DCAF8L2: variants seen among roughly 807,000 people sequenced by gnomAD.
DCAF8L2 encodes the protein DDB1 and CUL4 associated factor 8 like 2.
For synonymous variants in DCAF8L2, 200 were observed against 190.9 expected (o/e 1.05, Z -0.39); for missense variants, 430 against 490.7 (o/e 0.88, Z 1.17).
At chrX:27,696,691 A>C (rs1930939115) in intron 3 of DCAF8L2, among the ~76,000 whole-genome samples, 1 of 111,733 alleles carries the variant, frequency 8.9e-6, no homozygotes, top group Admixed American at 9.5e-5. Context: ...CCTCCAAAAT[A>C]TTAGTTTTTC....
chrX:27,501,981 G>A, the DCAF8L2 span, among the ~76,000 whole-genome samples: 268 of 109,783 alleles, frequency 2.4e-3, 1 homozygote, highest in Non-Finnish European at 3.9e-3. Flanking sequence ...ATGTGAAAGA[G>A]CATGACCTGC....
the DCAF8L2 span, among the ~76,000 whole-genome samples, chrX:27,478,067 G>A: frequency 9.0e-6 from 1 of 110,799 alleles, no homozygotes; most frequent in African/African-American, 3.3e-5. Flanking sequence ...TGTTATTTTG[G>A]GGATGGATAT....
At chrX:27,527,015 A>C in the DCAF8L2 span, among the ~76,000 whole-genome samples, 1 of 112,023 alleles carries the variant, frequency 8.9e-6, no homozygotes, top group African/African-American at 3.2e-5. Context: ...TCAGATCTCA[A>C]GCTCCATGCT....
At chrX:27,573,419 G>A in the DCAF8L2 span, among the ~76,000 whole-genome samples, 1 of 110,978 alleles carries the variant, frequency 9.0e-6, no homozygotes, top group African/African-American at 3.3e-5. Context: ...TAGAATGACA[G>A]CAATGTTGCC....
chrX:27,696,326 GAAAGAAAA>G (rs1248642902), intron 3 of DCAF8L2, among the ~76,000 whole-genome samples: 2,266 of 36,578 alleles, frequency 0.062, 81 homozygotes, highest in African/African-American at 0.21. Context: ...AAGAAAGAAA[GAAAGAAAA>G]AGAAAGAAAG....
chrX:27,495,468 T>C, the DCAF8L2 span, among the ~76,000 whole-genome samples: 1 of 112,299 alleles, frequency 8.9e-6, no homozygotes, highest in Non-Finnish European at 1.9e-5. Context: ...TTAATAGCAA[T>C]GTTTTTGAAT....
chrX:27,695,412 G>A (rs774942011), intron 3 of DCAF8L2, among the ~76,000 whole-genome samples: 27 of 111,867 alleles, frequency 2.4e-4, no homozygotes, highest in Middle Eastern at 4.2e-3. Context: ...ATTCACTATT[G>A]GAATGGGCTG....
the DCAF8L2 span, among the ~76,000 whole-genome samples, chrX:27,534,171 A>G: frequency 9.3e-6 from 1 of 107,789 alleles, no homozygotes; most frequent in Non-Finnish European, 1.9e-5. Context: ...TGATCACACC[A>G]CTGTGCTTCA....
chrX:27,731,230 C>A (rs1231520166), intron 4 of DCAF8L2, among the ~76,000 whole-genome samples: 1 of 109,441 alleles, frequency 9.1e-6, no homozygotes, highest in African/African-American at 3.3e-5. Flanking sequence ...ATGGTGAAAC[C>A]CTGTCTCTAC....
At chrX:27,598,451 T>A (rs983325970) in intron 1 of DCAF8L2, among the ~76,000 whole-genome samples, 1 of 112,663 alleles carries the variant, frequency 8.9e-6, no homozygotes, top group African/African-American at 3.2e-5. Flanking sequence ...TCCATTGTTC[T>A]ACATTCCTTG....
chrX:27,477,349 G>A, the DCAF8L2 span, among the ~76,000 whole-genome samples: 1 of 111,719 alleles, frequency 9.0e-6, no homozygotes, highest in South Asian at 3.7e-4. Context: ...GTGCAGTGGT[G>A]CGATCTCGGC....
At chrX:27,619,004 AATCT>A (rs57635575) in intron 1 of DCAF8L2, among the ~76,000 whole-genome samples, 7,125 of 101,612 alleles carry the variant, frequency 0.07, 212 homozygotes, top group African/African-American at 0.1. Context: ...ATCTATATCT[AATCT>A]ATCTATCTAT....
chrX:27,628,417 T>C (rs748617508), intron 1 of DCAF8L2, among the ~76,000 whole-genome samples: 8 of 111,954 alleles, frequency 7.1e-5, no homozygotes, highest in African/African-American at 2.6e-4. Flanking sequence ...CTCTTGGAGA[T>C]ACTGATTTTA....
chrX:27,730,251 A>T (rs988884026), intron 4 of DCAF8L2, among the ~76,000 whole-genome samples: 1 of 111,566 alleles, frequency 9.0e-6, no homozygotes, highest in African/African-American at 3.3e-5. Flanking sequence ...GAAATCACAT[A>T]TATTATTTAT....
chrX:27,690,766 C>A (rs765082610), intron 3 of DCAF8L2, among the ~76,000 whole-genome samples: 14 of 111,700 alleles, frequency 1.3e-4, no homozygotes, highest in African/African-American at 4.5e-4. Context: ...GAGTTTTGCT[C>A]TTTTTCTCTT....
chrX:27,699,285 C>T (rs946003746), intron 3 of DCAF8L2, among the ~76,000 whole-genome samples: 1 of 111,574 alleles, frequency 9.0e-6, no homozygotes, highest in East Asian at 2.8e-4. Context: ...TCCAGGAAGA[C>T]AGCACAAAAA....
the DCAF8L2 span, among the ~76,000 whole-genome samples, chrX:27,566,494 ACTT>A: frequency 4.6e-5 from 5 of 107,605 alleles, no homozygotes; most frequent in South Asian, 4.0e-4. Flanking sequence ...GAATATTTCC[ACTT>A]CTTCTAGGTT....
At chrX:27,734,003 A>T (rs918131229) in intron 4 of DCAF8L2, among the ~76,000 whole-genome samples, 8 of 111,523 alleles carry the variant, frequency 7.2e-5, no homozygotes, top group South Asian at 7.5e-4. Flanking sequence ...GATAAAAAAA[A>T]TCCCAACAAA....
the DCAF8L2 span, among the ~76,000 whole-genome samples, chrX:27,528,626 A>C: frequency 9.1e-6 from 1 of 109,728 alleles, no homozygotes; most frequent in African/African-American, 3.3e-5. Flanking sequence ...AGCAATAATA[A>C]GTTAGCACCC....
Sources: allele counts gnomAD v4.1 joint callset (sites outside exome capture counted in the v4.1 genomes callset), GRCh38; gene constraint gnomAD v4.1.1; transcripts MANE v1.5; gene names NCBI Gene and HGNC (gene_info 2026-07-23, HGNC 2026-07-21).